GABRG3: variants seen among roughly 807,000 people sequenced by gnomAD.
GABRG3 encodes the protein gamma-aminobutyric acid receptor subunit gamma-3.
In GABRG3, 25 loss-of-function variants were observed where a neutral mutation model predicts 48.8. The observed-to-expected ratio is 0.51, with a 90% CI of 0.37 to 0.72. The LOEUF is 0.72. Among genes scored for constraint, GABRG3 ranks in the 30% least tolerant of loss-of-function variants. The pLI, the probability that GABRG3 is intolerant of heterozygous loss-of-function variation, is 0.00. For missense variants in GABRG3, 394 were observed against 577.9 expected, an observed-to-expected ratio of 0.68 and a Z score of 3.26; for synonymous variants, 227 against 217.6, an observed-to-expected ratio of 1.04 and a Z score of -0.38.
rs557245948 is a variant in GABRG3, at chr15:27,324,059, C to T, written c.271-2750C>T. The stretch of plus-strand genomic sequence containing the variant: ...CACATGCCTGCAAGCAGGGAAGCCG[C>T]GGTATTTGGCAAACAGCACCAATGA... On this transcript the variant is annotated intron_variant, in intron 3 of 9. Coordinates refer to ENST00000615808, the MANE Select transcript of GABRG3 (RefSeq NM_033223.5). 5.1e-4 allele frequency among the ~76,000 whole-genome samples: 78 copies of T among 152,336 alleles called. 1 individual carries two copies. Among genetic ancestry groups the T allele is most frequent in the Admixed American group, 4.4e-3 (67 of 15,304 alleles).
intron 3 of GABRG3, among the ~76,000 whole-genome samples, chr15:27,267,729 T>TA (rs1890965336): frequency 6.6e-6 from 1 of 152,202 alleles, no homozygotes; most frequent in African/African-American, 2.4e-5. Context: ...GAGTTTTTTT[T>TA]AACACAAAAA....
chr15:27,469,013 T>G (rs1006498981), intron 5 of GABRG3, among the ~76,000 whole-genome samples: 26 of 152,192 alleles, frequency 1.7e-4, no homozygotes, highest in Non-Finnish European at 2.9e-4. Context: ...GCGGAAGATA[T>G]AAATAGAAAC....
At chr15:27,443,847 A>G (rs1383908449) in intron 5 of GABRG3, among the ~76,000 whole-genome samples, 1 of 152,220 alleles carries the variant, frequency 6.6e-6, no homozygotes, top group Non-Finnish European at 1.5e-5. Flanking sequence ...TGGAGGTTTT[A>G]TAATGAACCG....
At chr15:27,417,548 G>A (rs1887977184) in intron 5 of GABRG3, among the ~76,000 whole-genome samples, 1 of 151,976 alleles carries the variant, frequency 6.6e-6, no homozygotes, top group Non-Finnish European at 1.5e-5. Context: ...CATCACCCGG[G>A]GCTCAGGTGC....
intron 3 of GABRG3, among the ~76,000 whole-genome samples, chr15:27,124,765 G>T (rs764799699): frequency 6.6e-6 from 1 of 152,206 alleles, no homozygotes; most frequent in Non-Finnish European, 1.5e-5. Context: ...CCAGCTTGTT[G>T]CCTCAGGCAA....
chr15:27,305,070 C>G (rs925649969), intron 3 of GABRG3, among the ~76,000 whole-genome samples: 10 of 151,818 alleles, frequency 6.6e-5, no homozygotes, highest in African/African-American at 2.4e-4. Context: ...AGTACTATCT[C>G]TGACTTTTAG....
At chr15:27,003,845 C>T (rs1278415203) in intron 2 of GABRG3, among the ~76,000 whole-genome samples, 20 of 134,072 alleles carry the variant, frequency 1.5e-4, no homozygotes, top group South Asian at 2.6e-4. Flanking sequence ...GCTGGCCGGG[C>T]GGGGGGGGCT....
At chr15:27,119,058 C>T (rs1897689033) in intron 3 of GABRG3, among the ~76,000 whole-genome samples, 1 of 152,186 alleles carries the variant, frequency 6.6e-6, no homozygotes, top group Admixed American at 6.5e-5. Context: ...ATAAGAACCT[C>T]ATCCCAGCGG....
chr15:27,011,164 G>A (rs2140666418), intron 2 of GABRG3, among the ~76,000 whole-genome samples: 1 of 152,210 alleles, frequency 6.6e-6, no homozygotes, highest in Non-Finnish European at 1.5e-5. Context: ...ACTGTTCCCG[G>A]GCAAACACTG....
Position 27,457,726 on chromosome 15 carries a change from C to T in GABRG3, c.575-22924C>T, listed in dbSNP as rs998508083. On this transcript the variant is annotated intron_variant, in intron 5 of 9. Transcript: ENST00000615808. This position sits in a 1 kb window ranked among gnomAD's most constrained non-coding sequence, Gnocchi z 4.4. ...ACTCTGACCTGATGGTTGCAGTCGC[C>T]GTGTTTTCTGGCCAGTGGTATAACG... is the stretch of plus-strand genomic sequence containing the variant. Among the ~76,000 whole-genome samples, 1 of 152,088 alleles carries T rather than the reference C, an allele frequency of 6.6e-6. No homozygotes were observed. The highest frequency in any genetic ancestry group is 1.5e-5 in the Non-Finnish European group (1 of 68,026).
chr15:26,974,637 C>T lies in GABRG3; in HGVS notation c.54-2365C>T, dbSNP rs1368880207. ...CGCCAAGTGTCCTGAGCATGTTGTG[C>T]CTGATTCTGCTGAGATGAGCTACCG... is the stretch of plus-strand genomic sequence containing the variant. On this transcript the variant is annotated intron_variant, in intron 1 of 9. Transcript: ENST00000615808. This position sits in a 1 kb window ranked among gnomAD's most constrained non-coding sequence, Gnocchi z 4.3. 6.6e-6 allele frequency among the ~76,000 whole-genome samples: 1 copy of T among 151,862 alleles called. No individual in the cohort carries two copies. Among genetic ancestry groups the T allele is most frequent in the African/African-American group, 2.4e-5 (1 of 41,318 alleles).
intron 3 of GABRG3, among the ~76,000 whole-genome samples, chr15:27,204,091 C>G (rs1432822396): frequency 6.6e-6 from 1 of 152,044 alleles, no homozygotes; most frequent in African/African-American, 2.4e-5. Context: ...GTCGGAATTG[C>G]TTTTCAAGTC....
chr15:27,221,032 A>T (rs1329205937), intron 3 of GABRG3, among the ~76,000 whole-genome samples: 4 of 151,598 alleles, frequency 2.6e-5, no homozygotes. Context: ...AATAAATATT[A>T]TGATGTCCTT....
chr15:27,306,673 T>G (rs1434109061), intron 3 of GABRG3, among the ~76,000 whole-genome samples: 1 of 80,464 alleles, frequency 1.2e-5, no homozygotes, highest in Non-Finnish European at 2.7e-5. Flanking sequence ...TGTTTATATA[T>G]AAACATATAT....
At chr15:27,000,778 C>T (rs558027599) in intron 2 of GABRG3, among the ~76,000 whole-genome samples, 4 of 152,266 alleles carry the variant, frequency 2.6e-5, no homozygotes, top group South Asian at 2.1e-4. Context: ...CCTGCAGAAC[C>T]GTTAAACCAT....
intron 5 of GABRG3, among the ~76,000 whole-genome samples, chr15:27,474,078 T>C (rs71465238): frequency 0.21 from 15,235 of 73,300 alleles, 1,398 homozygotes; most frequent in African/African-American, 0.4. Context: ...CTCTCAGGGC[T>C]GACTGCAGCC....
At chr15:27,103,242 C>T (rs142672581) in intron 3 of GABRG3, among the ~76,000 whole-genome samples, 5 of 152,326 alleles carry the variant, frequency 3.3e-5, no homozygotes, top group African/African-American at 9.6e-5. Flanking sequence ...TTTCCCTGTA[C>T]TGACAACCCA....
At chr15:27,118,160 A>C (rs1897674482) in intron 3 of GABRG3, among the ~76,000 whole-genome samples, 1 of 152,162 alleles carries the variant, frequency 6.6e-6, no homozygotes, top group African/African-American at 2.4e-5. Flanking sequence ...TAACTTATTG[A>C]GTGTCAAACA....
At chr15:27,106,113 A>T (rs1897445192) in intron 3 of GABRG3, among the ~76,000 whole-genome samples, 1 of 152,124 alleles carries the variant, frequency 6.6e-6, no homozygotes, top group Middle Eastern at 3.2e-3. Flanking sequence ...AACAATAGTT[A>T]CCAGCGGTGG....
Sources: allele counts gnomAD v4.1 joint callset (sites outside exome capture counted in the v4.1 genomes callset), GRCh38; gene constraint gnomAD v4.1.1; non-coding constraint Gnocchi (gnomAD v3.1); transcripts MANE v1.5; gene names NCBI Gene and HGNC (gene_info 2026-07-23, HGNC 2026-07-21).